Variants in FAM24B observed in about 807,000 individuals in gnomAD.
FAM24B encodes the protein protein FAM24B.
Under a neutral mutation model 2.3 loss-of-function variants are expected in FAM24B, and 3 were observed. The observed-to-expected ratio is 1.29, with a 90% CI of 0.59 to 3.32. FAM24B has a LOEUF of 3.32. FAM24B is among the 30% of genes most tolerant of loss of function. The pLI is 0.03. For synonymous variants in FAM24B, 36 were observed against 46.3 expected, an observed-to-expected ratio of 0.78 and a Z score of 0.90; for missense variants, 98 against 117.2, an observed-to-expected ratio of 0.84 and a Z score of 0.76.
At chr10:122,872,153 G>A (rs1188964759) in intron 1 of FAM24B, among the ~76,000 whole-genome samples, 1 of 152,176 alleles carries the variant, frequency 6.6e-6, no homozygotes, top group Non-Finnish European at 1.5e-5. Context: ...CTCAAAAGAA[G>A]ATATTTATGC....
intron 1 of FAM24B, among the ~76,000 whole-genome samples, chr10:122,879,125 A>G (rs768243826): frequency 1.3e-5 from 2 of 152,148 alleles, no homozygotes; most frequent in Non-Finnish European, 2.9e-5. Context: ...AACACCTGGG[A>G]TCTTTCTCAA....
At chr10:122,849,818 TG>T (rs1283121317) in intron 3 of FAM24B, among the ~76,000 whole-genome samples, 1 of 152,050 alleles carries the variant, frequency 6.6e-6, no homozygotes, top group African/African-American at 2.4e-5. Context: ...CCAATCTCTC[TG>T]GTACTTAAAG....
chr10:122,860,992 C>G (rs1191317287), intron 1 of FAM24B, among the ~76,000 whole-genome samples: 2 of 151,916 alleles, frequency 1.3e-5, no homozygotes, highest in African/African-American at 2.4e-5. Context: ...CTTTTCTTTT[C>G]ATTCTTTTAA....
At chr10:122,872,614 T>A (rs1456733631) in intron 1 of FAM24B, among the ~76,000 whole-genome samples, 1 of 152,020 alleles carries the variant, frequency 6.6e-6, no homozygotes, top group African/African-American at 2.4e-5. Flanking sequence ...CCATAAAAAA[T>A]GATGAGTTCA....
rs1325706818 is a variant in FAM24B at position 122,877,561 on chromosome 10, CTT to C, written c.-178+1922_-178+1923del. 2.0e-5 allele frequency among the ~76,000 whole-genome samples: 3 copies of C among 152,310 alleles called. No homozygotes were observed. In the East Asian group the frequency reaches 5.8e-4, roughly 29 times the overall value. ...AGGAATAATTGGGGAAGTTGCATAT[CTT>C]ATAACCTTCTGAATAATAACTGATA... On this transcript the variant is annotated intron_variant, in intron 1 of 3. Coordinates refer to ENST00000368898, the MANE Select transcript of FAM24B (RefSeq NM_152644.3).
At position 122,850,423 on chromosome 10, in the gene FAM24B, C is replaced by CT; in HGVS notation, c.92dup (p.Ala32SerfsTer6). On this transcript the variant is annotated frameshift_variant and splice_region_variant. Coordinates refer to ENST00000368898, the MANE Select transcript of FAM24B (RefSeq NM_152644.3). LOFTEE classifies it high-confidence loss of function. ...TTGTTTATTTTGAACTTGTGACTCA[C>CT]TTTAGCGCGTTGTGTATTTTGAAGT... 3.7e-6 allele frequency: 6 copies of CT among 1,613,376 alleles called. No homozygotes were observed. The highest frequency in any genetic ancestry group is 5.1e-6 in the Non-Finnish European group (6 of 1,179,344).
chr10:122,870,941 T>G (rs1847886782), intron 1 of FAM24B, among the ~76,000 whole-genome samples: 1 of 152,088 alleles, frequency 6.6e-6, no homozygotes, highest in Admixed American at 6.5e-5. Context: ...GCCAGGGCAA[T>G]CAGGCAGAAG....
At chr10:122,868,524 A>G (rs1847838805) in intron 1 of FAM24B, among the ~76,000 whole-genome samples, 1 of 152,194 alleles carries the variant, frequency 6.6e-6, no homozygotes. Flanking sequence ...TGTTAAGGGC[A>G]GCCAGAGAGA....
chr10:122,868,522 G>A (rs1847838758), intron 1 of FAM24B, among the ~76,000 whole-genome samples: 1 of 152,072 alleles, frequency 6.6e-6, no homozygotes, highest in South Asian at 2.1e-4. Context: ...AATGTTAAGG[G>A]CAGCCAGAGA....
intron 1 of FAM24B, among the ~76,000 whole-genome samples, chr10:122,869,995 G>T (rs1262866746): frequency 6.6e-6 from 1 of 152,126 alleles, no homozygotes; most frequent in Non-Finnish European, 1.5e-5. Flanking sequence ...ATGAATCCAG[G>T]AGCTGGTTTT....
intron 2 of FAM24B, among the ~76,000 whole-genome samples, chr10:122,851,854 G>A (rs920804030): frequency 1.3e-5 from 2 of 151,886 alleles, no homozygotes; most frequent in Non-Finnish European, 2.9e-5. Context: ...AAAACTAAAG[G>A]AAAATATGAG....
At chr10:122,864,242 T>C (rs776857243) in intron 1 of FAM24B, among the ~76,000 whole-genome samples, 5 of 152,204 alleles carry the variant, frequency 3.3e-5, no homozygotes, top group Non-Finnish European at 5.9e-5. Context: ...ATTTTTGGCA[T>C]TGATGAATAA....
Position 122,875,184 on chromosome 10 carries a change from AT to A in FAM24B, c.-178+4300del, listed in dbSNP as rs201805720. On this transcript the variant is annotated intron_variant, in intron 1 of 3. Coordinates refer to ENST00000368898, the MANE Select transcript of FAM24B (RefSeq NM_152644.3). ...TTTTTATTAACAGTTCTTCAAGCTC[AT>A]TTATTCTTTGGCCTGTCCAGTCTCC... Among the ~76,000 whole-genome samples the A allele has an allele frequency of 6.4e-3, 978 of 152,242 alleles. 8 individuals are homozygous for A. The highest frequency in any genetic ancestry group is 0.016 in the African/African-American group (665 of 41,540).
Position 122,879,572 on chromosome 10 carries a change from C to G in FAM24B, c.-265G>C, listed in dbSNP as rs943329666. On this transcript the variant is annotated 5_prime_UTR_variant, in exon 1 of 4. Coordinates refer to ENST00000368898, the MANE Select transcript of FAM24B (RefSeq NM_152644.3). ...AGCGTCGAAAAACCGCCGTGGTGCC[C>G]GCGCACAGTGCACCGCGCCTGCGCA... The G allele has an allele frequency of 6.6e-6, 1 of 152,662 alleles. No homozygotes were observed. Among genetic ancestry groups the G allele is most frequent in the Non-Finnish European group, 1.5e-5 (1 of 68,364 alleles). 9.5% of individuals were successfully genotyped at this position (152,662 alleles called of 1,614,324 possible).
intron 1 of FAM24B, among the ~76,000 whole-genome samples, chr10:122,860,724 A>G (rs913419803): frequency 5.9e-5 from 9 of 152,252 alleles, no homozygotes; most frequent in Non-Finnish European, 1.2e-4. Flanking sequence ...TCATTCTAAC[A>G]CATCTGAAGT....
intron 1 of FAM24B, among the ~76,000 whole-genome samples, chr10:122,861,263 C>T (rs1718097049): frequency 6.6e-6 from 1 of 152,110 alleles, no homozygotes; most frequent in African/African-American, 2.4e-5. Context: ...TTTACAAAAA[C>T]TTTGCCTTTG....
At chr10:122,863,073 C>T (rs1319571332) in intron 1 of FAM24B, among the ~76,000 whole-genome samples, 1 of 152,166 alleles carries the variant, frequency 6.6e-6, no homozygotes, top group Non-Finnish European at 1.5e-5. Context: ...GACATCAGAA[C>T]CATCTTTCCC....
intron 1 of FAM24B, among the ~76,000 whole-genome samples, chr10:122,871,924 C>G (rs1847904299): frequency 6.6e-6 from 1 of 152,064 alleles, no homozygotes; most frequent in African/African-American, 2.4e-5. Context: ...CAACAAAAGC[C>G]AAAATTGACA....
intron 1 of FAM24B, among the ~76,000 whole-genome samples, chr10:122,867,180 T>G (rs1566260650): frequency 6.6e-6 from 1 of 152,152 alleles, no homozygotes; most frequent in Non-Finnish European, 1.5e-5. Flanking sequence ...TTCAATTCTG[T>G]GAAAGCTAAG....
Sources: gnomAD v4.1 joint callset for allele counts (sites outside exome capture counted in the v4.1 genomes callset) on GRCh38, gnomAD v4.1.1 for gene constraint, MANE v1.5 for transcripts, NCBI Gene and HGNC (gene_info 2026-07-23, HGNC 2026-07-21) for gene names.